SCTR: variants seen among roughly 807,000 people sequenced by gnomAD.
The protein encoded by SCTR is pancreatic secretin receptor.
Under a neutral mutation model 60.8 loss-of-function variants are expected in SCTR, and 56 were observed. That is an observed-to-expected ratio of 0.92 (90% CI 0.74 to 1.15). SCTR has a LOEUF of 1.15. SCTR is among the 50% of genes most tolerant of loss of function. SCTR has a pLI of 0.00. For missense variants in SCTR, 562 were observed against 550.4 expected (o/e 1.02, Z -0.21); for synonymous variants, 202 against 217.0 (o/e 0.93, Z 0.61).
intron 1 of SCTR, among the ~76,000 whole-genome samples, chr2:119,502,713 T>C (rs1678591504): frequency 1.3e-5 from 2 of 151,910 alleles, no homozygotes; most frequent in African/African-American, 4.8e-5. Flanking sequence ...AATGAGCTGC[T>C]GGGCACTGTG....
In SCTR at chr2:119,486,463, G is replaced by A. The variant is rs139339649; in HGVS notation, c.194-7545C>T. On this transcript the variant is annotated intron_variant, in intron 2 of 12. Transcript: ENST00000019103. ...TCCACAGAACCCTCCTCATCCACCC[G>A]AGAACTCTTCCTCACCTGACCTAAA... 9.7e-3 allele frequency: 1,481 copies of A among 152,214 alleles called. 13 individuals carry two copies. The highest frequency in any genetic ancestry group is 0.027 in the South Asian group (132 of 4,804). The allele number at this position is 152,214 out of a possible 1,614,324, so 9.4% of individuals were successfully genotyped here.
intron 7 of SCTR, among the ~76,000 whole-genome samples, chr2:119,461,362 C>T (rs1198946014): frequency 1.3e-5 from 2 of 152,190 alleles, no homozygotes; most frequent in African/African-American, 2.4e-5. Context: ...GGATTTCCCA[C>T]TTGACAGATA....
intron 12 of SCTR, 46 bp downstream of exon 12, chr2:119,441,512 T>A (rs754247067): frequency 6.6e-7 from 1 of 1,525,448 alleles, no homozygotes; most frequent in Non-Finnish European, 9.1e-7. Flanking sequence ...CGGAAACCAA[T>A]GGCTAGGAGC....
At chr2:119,511,581 A>G (rs1478487114) in intron 1 of SCTR, among the ~76,000 whole-genome samples, 1 of 152,056 alleles carries the variant, frequency 6.6e-6, no homozygotes, top group Non-Finnish European at 1.5e-5. Flanking sequence ...TTACACATCT[A>G]TCCACAGTCC....
rs563308311 is a variant in SCTR at position 119,468,343 on chromosome 2, C to G, written c.406-2457G>C. Among the ~76,000 whole-genome samples, 10 of 152,342 alleles carry G rather than the reference C, an allele frequency of 6.6e-5. No homozygotes were observed. The South Asian group carries it at 2.1e-3, about 32-fold the overall frequency. On this transcript the variant is annotated intron_variant, in intron 4 of 12. Transcript: ENST00000019103. ...AAGACCCAAGCTCCATGGTGTCACA[C>G]AGTGTACTGTAGAGAAAGAACACAG...
chr2:119,469,721 G>A (rs1394198325), intron 4 of SCTR, among the ~76,000 whole-genome samples: 2 of 152,140 alleles, frequency 1.3e-5, no homozygotes, highest in Non-Finnish European at 2.9e-5. Context: ...TTGAGCTCAG[G>A]AGTTCAAGTG....
chr2:119,524,037 C>A, intron 1 of SCTR, 118 bp downstream of exon 1: 1 of 755,104 alleles, frequency 1.3e-6, no homozygotes, highest in Non-Finnish European at 2.3e-6. Context: ...GGAAGAGTCC[C>A]TATTCCTCAT....
chr2:119,512,188 T>C (rs1355405102), intron 1 of SCTR, among the ~76,000 whole-genome samples: 1 of 152,214 alleles, frequency 6.6e-6, no homozygotes, highest in Non-Finnish European at 1.5e-5. Flanking sequence ...TTCATCTTTA[T>C]GCTGTCTCTC....
chr2:119,461,790 C>T (rs1416086480), intron 7 of SCTR, 57 bp downstream of exon 7: 11 of 1,464,114 alleles, frequency 7.5e-6, no homozygotes, highest in East Asian at 2.4e-5. Flanking sequence ...CTCCGACTCT[C>T]GACTCAGCAC....
At chr2:119,500,237 G>C (rs1573908930) in intron 1 of SCTR, among the ~76,000 whole-genome samples, 1 of 115,410 alleles carries the variant, frequency 8.7e-6, no homozygotes, top group Non-Finnish European at 1.9e-5. Context: ...ATGTTGGCAA[G>C]GATGAGAAGA....
intron 1 of SCTR, among the ~76,000 whole-genome samples, chr2:119,505,121 G>A (rs551222532): frequency 2.6e-5 from 4 of 152,250 alleles, no homozygotes; most frequent in Admixed American, 6.5e-5. Flanking sequence ...AGTCAGTGTG[G>A]CGATTCCTCA....
intron 1 of SCTR, among the ~76,000 whole-genome samples, chr2:119,508,278 G>C (rs933478591): frequency 1.3e-5 from 2 of 151,808 alleles, no homozygotes; most frequent in East Asian, 3.9e-4. Flanking sequence ...TGGACTAAGA[G>C]GACTAAACTT....
intron 10 of SCTR, among the ~76,000 whole-genome samples, chr2:119,447,880 G>C (rs1682993545): frequency 6.6e-6 from 1 of 152,164 alleles, no homozygotes; most frequent in African/African-American, 2.4e-5. Flanking sequence ...ATGCTAATTT[G>C]TCTTTAATAT....
intron 2 of SCTR, among the ~76,000 whole-genome samples, chr2:119,485,546 G>A (rs535054119): frequency 6.6e-6 from 1 of 152,310 alleles, no homozygotes; most frequent in East Asian, 1.9e-4. Context: ...AAAAACCTGG[G>A]ACTATTTCTG....
At chr2:119,512,234 A>C (rs1005823435) in intron 1 of SCTR, among the ~76,000 whole-genome samples, 21 of 152,080 alleles carry the variant, frequency 1.4e-4, no homozygotes, top group African/African-American at 5.1e-4. Flanking sequence ...GACGAGGTGC[A>C]CTGATTCTCC....
At chr2:119,465,916 C>A in intron 4 of SCTR, 30 bp from the exon 5 acceptor site, 3 of 1,530,668 alleles carry the variant, frequency 2.0e-6, no homozygotes, top group Non-Finnish European at 2.7e-6. Flanking sequence ...TCAGCCCCGC[C>A]GGCCCTCCTG....
intron 1 of SCTR, 115 bp downstream of exon 1, chr2:119,524,040 T>C (rs1422439956): frequency 1.6e-5 from 12 of 768,912 alleles, no homozygotes; most frequent in South Asian, 1.5e-4. Context: ...AGAGTCCCTA[T>C]TCCTCATGGG....
intron 12 of SCTR, 64 bp downstream of exon 12, chr2:119,441,493 CT>C: frequency 7.3e-7 from 1 of 1,367,958 alleles, no homozygotes; most frequent in Non-Finnish European, 1.0e-6. Context: ...CAGGTAGCTC[CT>C]TCTGACCCGG....
At chr2:119,444,434 T>TAC (rs1558831289) in intron 11 of SCTR, among the ~76,000 whole-genome samples, 3 of 109,332 alleles carry the variant, frequency 2.7e-5, no homozygotes, top group Admixed American at 9.3e-5. Context: ...CGTATGAATA[T>TAC]ACACATATAT....
Sources: allele counts gnomAD v4.1 joint callset (sites outside exome capture counted in the v4.1 genomes callset), GRCh38; gene constraint gnomAD v4.1.1; transcripts MANE v1.5; gene names NCBI Gene and HGNC (gene_info 2026-07-23, HGNC 2026-07-21).